Variants in RBFOX1 observed in about 807,000 individuals in gnomAD.
RBFOX1 encodes RNA binding fox-1 homolog 1, also known as RNA binding protein fox-1 homolog 1.
Under a neutral mutation model 57.7 loss-of-function variants are expected in RBFOX1, and 8 were observed. That is an observed-to-expected ratio of 0.14 (90% CI 0.08 to 0.25). RBFOX1 has a LOEUF of 0.25. RBFOX1 is among the 10% of genes least tolerant of loss of function. The pLI, the probability that RBFOX1 is intolerant of heterozygous loss-of-function variation, is 1.00. For synonymous variants in RBFOX1, 326 were observed against 222.4 expected (o/e 1.47, Z -4.15); for missense variants, 611 against 548.5 (o/e 1.11, Z -1.14).
At chr16:6,415,662 C>G (rs1457738543) in intron 2 of RBFOX1, among the ~76,000 whole-genome samples, 2 of 152,004 alleles carry the variant, frequency 1.3e-5, no homozygotes, top group African/African-American at 4.8e-5. Flanking sequence ...GATAACACCA[C>G]TGCACTCTAG....
chr16:6,814,538 G>A (rs1233501313), intron 3 of RBFOX1, among the ~76,000 whole-genome samples: 3 of 152,108 alleles, frequency 2.0e-5, no homozygotes, highest in African/African-American at 7.2e-5. Context: ...ACAATCCTTA[G>A]TATGTGCTGT....
chr16:6,892,304 C>G (rs1402498392), intron 3 of RBFOX1, among the ~76,000 whole-genome samples: 1 of 152,152 alleles, frequency 6.6e-6, no homozygotes, highest in Non-Finnish European at 1.5e-5. Flanking sequence ...CCGTAAAGTA[C>G]TGGATCTCTC....
At position 7,113,773 on chromosome 16, in the gene RBFOX1, G is replaced by A. The variant is rs560925079; in HGVS notation, c.27+61675G>A. Among the ~76,000 whole-genome samples the A allele has an allele frequency of 4.6e-5, 7 of 151,834 alleles. No homozygotes were observed. The East Asian group carries it at 1.4e-3, about 29-fold the overall frequency. On this transcript the variant is annotated intron_variant, in intron 4 of 15. Transcript: ENST00000550418. ...TGTGTTCTCTTTTTTTTGTATATTT[G>A]CTCCCTTATTGATGATGGGCATTAA...
intron 2 of RBFOX1, among the ~76,000 whole-genome samples, chr16:6,521,889 T>C (rs571565270): frequency 3.3e-5 from 5 of 152,236 alleles, no homozygotes; most frequent in Non-Finnish European, 7.4e-5. Flanking sequence ...CCCATTTTAA[T>C]CTGTGTTTGG....
Position 6,450,780 on chromosome 16 carries a change from T to C in RBFOX1, c.-64+133723T>C, listed in dbSNP as rs200419201. On this transcript the variant is annotated intron_variant, in intron 2 of 15. Transcript: ENST00000550418. ...ATATATATATGTGTATATATATATA[T>C]ATATATATACATATATATATGTATA... Among the ~76,000 whole-genome samples the C allele has an allele frequency of 7.5e-4, 37 of 49,318 alleles. 1 individual carries two copies. The highest frequency in any genetic ancestry group is 2.6e-3 in the African/African-American group (23 of 8,704). 32.4% of individuals were successfully genotyped at this position (49,318 alleles called of 152,430 possible). A position where few individuals can be genotyped will look rare whatever the true frequency, so the allele number is the denominator to read the frequency against.
chr16:5,748,000 T>C (rs1350035428), intron 3 of RBFOX1, among the ~76,000 whole-genome samples: 2 of 152,190 alleles, frequency 1.3e-5, no homozygotes, highest in Non-Finnish European at 2.9e-5. Flanking sequence ...CTGCTTTCTG[T>C]TGTGGGCATT....
rs115432583 is a variant in RBFOX1, at chr16:6,825,360, T to G, written c.-16+170710T>G. Among the ~76,000 whole-genome samples, 642 of 151,972 alleles carry G rather than the reference T, an allele frequency of 4.2e-3. 4 individuals are homozygous for G. Among genetic ancestry groups the G allele is most frequent in the African/African-American group, 0.015 (605 of 41,444 alleles). On this transcript the variant is annotated intron_variant, in intron 3 of 15. Coordinates refer to ENST00000550418, the MANE Select transcript of RBFOX1 (RefSeq NM_018723.4). ...TGGTGTTGAGAATCAGTCTTCTAGA[T>G]ATTTTTAAATACACACTTAAAATTC...
intron 3 of RBFOX1, among the ~76,000 whole-genome samples, chr16:6,790,684 G>A (rs1411424141): frequency 1.3e-5 from 2 of 152,040 alleles, no homozygotes; most frequent in Non-Finnish European, 2.9e-5. Flanking sequence ...TTGTATGGTG[G>A]ATGTGATTTC....
At chr16:7,309,055 T>C (rs955718563) in intron 4 of RBFOX1, among the ~76,000 whole-genome samples, 4 of 152,192 alleles carry the variant, frequency 2.6e-5, no homozygotes, top group African/African-American at 7.2e-5. Flanking sequence ...ATTAGCTTCA[T>C]GTCTGAATTG....
chr16:6,500,913 A>G (rs544921070), intron 2 of RBFOX1, among the ~76,000 whole-genome samples: 123 of 20,682 alleles, frequency 5.9e-3, no homozygotes, highest in Non-Finnish European at 4.0e-3. Context: ...ATGCTGAGAC[A>G]TCCTCTGTCC....
At chr16:6,995,489 G>C (rs1208733119) in intron 3 of RBFOX1, among the ~76,000 whole-genome samples, 1 of 152,110 alleles carries the variant, frequency 6.6e-6, no homozygotes, top group African/African-American at 2.4e-5. Context: ...TTGAAGAGGG[G>C]TGTGGTGGCT....
intron 3 of RBFOX1, among the ~76,000 whole-genome samples, chr16:6,891,388 G>C (rs937534680): frequency 6.6e-6 from 1 of 152,092 alleles, no homozygotes; most frequent in African/African-American, 2.4e-5. Context: ...GGTCTACCCA[G>C]TTCTGAAAAC....
chr16:7,054,070 T>C (rs2051061791), intron 4 of RBFOX1, among the ~76,000 whole-genome samples: 3 of 151,758 alleles, frequency 2.0e-5, no homozygotes, highest in South Asian at 2.1e-4. Flanking sequence ...TATTTTCTTC[T>C]GCCCTCTTCA....
intron 3 of RBFOX1, among the ~76,000 whole-genome samples, chr16:6,784,258 C>T (rs1409340398): frequency 2.0e-5 from 3 of 152,058 alleles, no homozygotes; most frequent in Admixed American, 6.6e-5. Flanking sequence ...TTAGATTTGC[C>T]GTTTTTAGGT....
chr16:6,866,541 ATTTT>A (rs56678526), intron 3 of RBFOX1, among the ~76,000 whole-genome samples: 3 of 78,884 alleles, frequency 3.8e-5, no homozygotes, highest in South Asian at 5.8e-4. Flanking sequence ...CTTTCCTTCT[ATTTT>A]TTTTTTTTTT....
At chr16:6,663,676 C>G (rs2098714972) in intron 3 of RBFOX1, among the ~76,000 whole-genome samples, 1 of 152,196 alleles carries the variant, frequency 6.6e-6, no homozygotes, top group South Asian at 2.1e-4. Context: ...TTTTCTGTTT[C>G]CAATGTCCTT....
intron 2 of RBFOX1, among the ~76,000 whole-genome samples, chr16:6,319,672 A>C (rs2081529821): frequency 6.6e-6 from 1 of 152,182 alleles, no homozygotes. Context: ...GTGTAAGAGA[A>C]TGAGCTCCCA....
At chr16:7,215,053 C>A (rs948626462) in intron 4 of RBFOX1, among the ~76,000 whole-genome samples, 9 of 152,152 alleles carry the variant, frequency 5.9e-5, no homozygotes, top group African/African-American at 2.2e-4. Flanking sequence ...CTCTCCCTCT[C>A]CTTGTCTCCA....
chr16:6,372,358 G>A (rs967014724), intron 2 of RBFOX1, among the ~76,000 whole-genome samples: 10 of 150,688 alleles, frequency 6.6e-5, no homozygotes, highest in Non-Finnish European at 1.2e-4. Context: ...TAGTCGGATG[G>A]AAGGATGGTT....
Sources: gnomAD v4.1 joint callset for allele counts (sites outside exome capture counted in the v4.1 genomes callset) on GRCh38, gnomAD v4.1.1 for gene constraint, MANE v1.5 for transcripts, NCBI Gene and HGNC (gene_info 2026-07-23, HGNC 2026-07-21) for gene names.